The following ARHGAP15 variants were observed in gnomAD, a reference collection of about 807,000 sequenced individuals.
ARHGAP15 encodes the protein rho GTPase-activating protein 15.
ARHGAP15 carries 51 observed loss-of-function variants against 63.7 expected under a neutral mutation model. The ratio of observed to expected loss-of-function variants is 0.80; its 90% CI spans 0.64 to 1.01. The LOEUF is 1.01. Ranked by LOEUF, ARHGAP15 falls within the 50% of genes least tolerant of loss-of-function variation. The pLI is 0.00. For synonymous variants in ARHGAP15, 191 were observed against 193.8 expected (o/e 0.99, Z 0.12); for missense variants, 560 against 564.6 (o/e 0.99, Z 0.08).
chr2:143,759,582 C>G (rs904014174), intron 13 of ARHGAP15, among the ~76,000 whole-genome samples: 7 of 152,146 alleles, frequency 4.6e-5, no homozygotes, highest in Non-Finnish European at 1.0e-4. Context: ...TACCATGACC[C>G]CTAAGTCCCT....
chr2:143,476,722 A>C (rs1165712948), intron 8 of ARHGAP15, among the ~76,000 whole-genome samples: 4 of 152,256 alleles, frequency 2.6e-5, no homozygotes, highest in African/African-American at 9.6e-5. Context: ...AAATAAAAAC[A>C]AAGATTCTGC....
chr2:143,246,895 G>A (rs1423508536), intron 5 of ARHGAP15, among the ~76,000 whole-genome samples: 1 of 152,182 alleles, frequency 6.6e-6, no homozygotes, highest in African/African-American at 2.4e-5. Context: ...AGATTGTAAG[G>A]AGTGCAAGAG....
chr2:143,250,957 A>G (rs943706954), intron 6 of ARHGAP15, among the ~76,000 whole-genome samples: 3 of 152,066 alleles, frequency 2.0e-5, no homozygotes, highest in Non-Finnish European at 4.4e-5. Flanking sequence ...CTCACCAAGT[A>G]TAAGCTATTT....
chr2:143,247,746 A>G (rs1330219131), intron 5 of ARHGAP15, among the ~76,000 whole-genome samples: 1 of 152,204 alleles, frequency 6.6e-6, no homozygotes, highest in Non-Finnish European at 1.5e-5. Context: ...TAGGTGTGCA[A>G]TAAATGTTAA....
At chr2:143,724,051 ATGTGTGTGTGTGTGTGTG>A in intron 13 of ARHGAP15, among the ~76,000 whole-genome samples, 1 of 149,964 alleles carries the variant, frequency 6.7e-6, no homozygotes, top group South Asian at 2.1e-4. Context: ...ATCCACCTTC[ATGTGTGTGTGTGTGTGTG>A]TGTGTATGTG....
At chr2:143,292,640 A>G (rs972919036) in intron 6 of ARHGAP15, among the ~76,000 whole-genome samples, 1 of 152,062 alleles carries the variant, frequency 6.6e-6, no homozygotes, top group Non-Finnish European at 1.5e-5. Flanking sequence ...TATAATAGAA[A>G]GGTTGATTTT....
intron 8 of ARHGAP15, among the ~76,000 whole-genome samples, chr2:143,469,402 T>C (rs1269878893): frequency 6.6e-6 from 1 of 152,196 alleles, no homozygotes; most frequent in Non-Finnish European, 1.5e-5. Flanking sequence ...CAAATACATT[T>C]TAAAACTTTT....
chr2:143,556,603 G>A lies in ARHGAP15; in HGVS notation c.1003+118G>A. The A allele has an allele frequency of 1.6e-5, 11 of 685,370 alleles. No homozygotes were observed. The South Asian group carries it at 1.9e-4, about 12-fold the overall frequency. The allele number at this position is 685,370 out of a possible 1,614,324, so 42.5% of individuals were successfully genotyped here. A position where few individuals can be genotyped will look rare whatever the true frequency, so the allele number is the denominator to read the frequency against. On this transcript the variant is annotated intron_variant, in intron 11 of 13. Transcript: ENST00000295095. The stretch of plus-strand genomic sequence containing the variant: ...AACTTTAACAGGAGAATGTGAAAGT[G>A]GAAGAAATTTAAAAATTATCAGAAA...
intron 6 of ARHGAP15, among the ~76,000 whole-genome samples, chr2:143,398,060 G>A (rs565198444): frequency 6.6e-6 from 1 of 152,136 alleles, no homozygotes; most frequent in African/African-American, 2.4e-5. Flanking sequence ...TTGTACAAAA[G>A]TCCCATAACT....
intron 13 of ARHGAP15, among the ~76,000 whole-genome samples, chr2:143,710,199 G>GTTGT (rs2105438851): frequency 6.6e-6 from 1 of 151,996 alleles, no homozygotes; most frequent in East Asian, 1.9e-4. Context: ...CGGGTTGTGA[G>GTTGT]TTGTTTGAAA....
At chr2:143,742,285 T>C (rs1413757748) in intron 13 of ARHGAP15, among the ~76,000 whole-genome samples, 1 of 152,228 alleles carries the variant, frequency 6.6e-6, no homozygotes, top group East Asian at 1.9e-4. Flanking sequence ...AAATGAGAAG[T>C]GGCTTCTGAC....
At chr2:143,192,312 C>A (rs1157891439) in intron 2 of ARHGAP15, among the ~76,000 whole-genome samples, 1 of 152,214 alleles carries the variant, frequency 6.6e-6, no homozygotes, top group Non-Finnish European at 1.5e-5. Flanking sequence ...TCACACATAA[C>A]TAACTGACTC....
intron 13 of ARHGAP15, among the ~76,000 whole-genome samples, chr2:143,759,690 G>A (rs536727632): frequency 1.8e-4 from 28 of 151,732 alleles, no homozygotes; most frequent in South Asian, 2.1e-4. Flanking sequence ...ACCATTCCCC[G>A]CCCAGAACAC....
chr2:143,304,760 T>A lies in ARHGAP15; in HGVS notation c.474+54160T>A, dbSNP rs570432097. Among the ~76,000 whole-genome samples, 10 of 152,080 alleles carry A rather than the reference T, an allele frequency of 6.6e-5. No individual in the cohort carries two copies. The East Asian group carries it at 1.5e-3, about 24-fold the overall frequency. On this transcript the variant is annotated intron_variant, in intron 6 of 13. Coordinates refer to ENST00000295095, the MANE Select transcript of ARHGAP15 (RefSeq NM_018460.4). ...TCACTGGTCATTAGAGAAATGCAAA[T>A]GAAAACCACAATGAGACACCATCTC... is the stretch of plus-strand genomic sequence containing the variant.
At chr2:143,421,766 G>GTATATATA (rs59677710) in intron 6 of ARHGAP15, among the ~76,000 whole-genome samples, 28 of 109,048 alleles carry the variant, frequency 2.6e-4, no homozygotes, top group African/African-American at 3.4e-4. Context: ...TGCACATGGT[G>GTATATATA]TATATATATA....
At position 143,265,705 on chromosome 2, in the gene ARHGAP15, A is replaced by G. The variant is rs372197219; in HGVS notation, c.474+15105A>G. Among the ~76,000 whole-genome samples, 19 of 152,250 alleles carry G rather than the reference A, an allele frequency of 1.2e-4. No homozygotes were observed. In the East Asian group the frequency reaches 3.1e-3, roughly 25 times the overall value. On this transcript the variant is annotated intron_variant, in intron 6 of 13. Coordinates refer to ENST00000295095, the MANE Select transcript of ARHGAP15 (RefSeq NM_018460.4). ...TGATACTTATCTGGGTAAGGTGAAC[A>G]TGCAATTCTTAGACTTGCCTTTGTT...
intron 13 of ARHGAP15, among the ~76,000 whole-genome samples, chr2:143,734,747 T>C (rs1685679586): frequency 6.6e-6 from 1 of 152,228 alleles, no homozygotes; most frequent in South Asian, 2.1e-4. Context: ...ATTTTAGCAG[T>C]TCTTGATTGC....
chr2:143,549,935 T>C (rs1483981623), intron 10 of ARHGAP15, among the ~76,000 whole-genome samples: 2 of 152,266 alleles, frequency 1.3e-5, no homozygotes, highest in East Asian at 3.9e-4. Flanking sequence ...GTTGGACACA[T>C]ACAGAGGTAC....
intron 6 of ARHGAP15, among the ~76,000 whole-genome samples, chr2:143,403,289 T>C (rs917327210): frequency 2.0e-5 from 3 of 151,882 alleles, no homozygotes; most frequent in African/African-American, 7.2e-5. Flanking sequence ...ATTATTTTCT[T>C]TCAACACTCC....
Sources: gnomAD v4.1 joint callset for allele counts (sites outside exome capture counted in the v4.1 genomes callset) on GRCh38, gnomAD v4.1.1 for gene constraint, MANE v1.5 for transcripts, NCBI Gene and HGNC (gene_info 2026-07-23, HGNC 2026-07-21) for gene names.